FBN1: variants seen among roughly 807,000 people sequenced by gnomAD.
FBN1 encodes the protein fibrillin 1, also known as fibrillin-1.
FBN1 carries 29 observed loss-of-function variants against 365.1 expected under a neutral mutation model. The ratio of observed to expected loss-of-function variants is 0.08; its 90% CI spans 0.06 to 0.11. The LOEUF is 0.11. Ranked by LOEUF, FBN1 falls within the 10% of genes least tolerant of loss-of-function variation. The pLI is 1.00. For missense variants in FBN1, 2,476 were observed against 3,703.2 expected (o/e 0.67, Z 8.60); for synonymous variants, 1,210 against 1,270.5 (o/e 0.95, Z 1.01).
At position 48,644,727 on chromosome 15, in the gene FBN1, C is replaced by G; in HGVS notation, c.43G>C (p.Val15Leu). 6.2e-7 allele frequency: 1 copy of G among 1,613,936 alleles called. No homozygotes were observed. The highest frequency in any genetic ancestry group is 8.5e-7 in the Non-Finnish European group (1 of 1,180,016). ...RLLEIALGFT[V>L]LLASYTSHGA... The stretch of plus-strand genomic sequence containing the variant: ...TGGCTCGTGTAGGACGCTAAAAGCA[C>G]GGTAAATCCCAGGGCGATCTCCAGC... Residue 15 changes from valine (V) to leucine (L), a missense_variant, in exon 2 of 66, where the codon GTG becomes CTG. By Grantham distance (32) the Val-to-Leu change is conservative (BLOSUM62 1). Around this residue, in one of 5 missense-constraint regions of FBN1, gnomAD observed 76 missense variants for 85.4 expected, o/e 0.89. Coordinates refer to ENST00000316623, the MANE Select transcript of FBN1 (RefSeq NM_000138.5).
chr15:48,528,970 C>T (rs1319796584), intron 8 of FBN1: 1 of 152,200 alleles, frequency 6.6e-6, no homozygotes, highest in Non-Finnish European at 1.5e-5. Context: ...GATTGACTCA[C>T]ACTCTGAAAC....
chr15:48,559,908 T>C (rs1250320908), intron 6 of FBN1, among the ~76,000 whole-genome samples: 1 of 152,196 alleles, frequency 6.6e-6, no homozygotes, highest in Non-Finnish European at 1.5e-5. Context: ...ATCTATTATC[T>C]GCAAGAGTTA....
chr15:48,437,127 G>A (rs757289523), intron 52 of FBN1, 50 bp from the exon 53 acceptor site: 3 of 1,322,376 alleles, frequency 2.3e-6, no homozygotes, highest in Admixed American at 3.4e-5. Context: ...TTTTAAACGT[G>A]AAGATAAATT....
intron 2 of FBN1, among the ~76,000 whole-genome samples, chr15:48,634,318 C>A (rs904813386): frequency 6.6e-6 from 1 of 152,210 alleles, no homozygotes; most frequent in African/African-American, 2.4e-5. Context: ...TCATACGAAT[C>A]TTTTCTGGCA....
chr15:48,542,781 ATGTGTGTGTGTGTGTGTGTG>A (rs58728910), intron 6 of FBN1, among the ~76,000 whole-genome samples: 36 of 130,648 alleles, frequency 2.8e-4, no homozygotes, highest in Non-Finnish European at 4.0e-4. Flanking sequence ...GGACTCTAAG[ATGTGTGTGTGTGTGTGTGTG>A]TGTGTGTGTG....
In FBN1 at chr15:48,411,068, T is replaced by G. The variant is rs778948309; in HGVS notation, c.8538A>C (p.Glu2846Asp). The G allele has an allele frequency of 2.5e-6, 4 of 1,613,846 alleles. No homozygotes were observed. Among genetic ancestry groups the G allele is most frequent in the Non-Finnish European group, 3.4e-6 (4 of 1,179,934 alleles). Residue 2846 changes from glutamate (E) to aspartate (D), a missense_variant, in exon 66 of 66, where the codon GAA becomes GAC. Glu to Asp is a conservative substitution (Grantham distance 45). Transcript: ENST00000316623. ...TGAGGTAGTCTTTGTCATATTTGTC[T>G]TCTAGTTGGTTAAGTTCTTTCTTTT... ...LYKKKELNQL[E>D]DKYDKDYLSG...
At chr15:48,477,277 T>C (rs1468538433) in intron 32 of FBN1, among the ~76,000 whole-genome samples, 2 of 152,202 alleles carry the variant, frequency 1.3e-5, no homozygotes, top group Non-Finnish European at 2.9e-5. Flanking sequence ...CTTTAGAAAG[T>C]GTTTTCAGTT....
At position 48,496,203 on chromosome 15, in the gene FBN1, G is replaced by A. The variant is rs756381478; in HGVS notation, c.2316C>T (p.Asn772=). The A allele has an allele frequency of 2.5e-6, 4 of 1,613,614 alleles. No homozygotes were observed. The highest frequency in any genetic ancestry group is 2.2e-5 in the East Asian group (1 of 44,812). Residue 772 remains asparagine, a synonymous_variant, in exon 20 of 66, where the codon AAC becomes AAT. Coordinates refer to ENST00000316623, the MANE Select transcript of FBN1 (RefSeq NM_000138.5). Reference sequence around the variant, plus strand: ...ATTGTCCATTGTCACAAAGGAGACTGTTCAGTACACATTCATTAATATCTG... The same window carrying A: ...ATTGTCCATTGTCACAAAGGAGACTATTCAGTACACATTCATTAATATCTG... ...NCVDINECVL[N]SLLCDNGQCR...
intron 6 of FBN1, among the ~76,000 whole-genome samples, chr15:48,583,098 A>G (rs2044408119): frequency 6.6e-6 from 1 of 152,168 alleles, no homozygotes; most frequent in Admixed American, 6.5e-5. Context: ...CACTGCTTCC[A>G]TCTCTCCACA....
intron 6 of FBN1, among the ~76,000 whole-genome samples, chr15:48,571,327 T>A (rs2044304076): frequency 6.6e-6 from 1 of 151,880 alleles, no homozygotes; most frequent in Non-Finnish European, 1.5e-5. Context: ...CTACAACAAA[T>A]CCAAATTAGA....
intron 56 of FBN1, among the ~76,000 whole-genome samples, chr15:48,429,549 G>C (rs2043009636): frequency 1.3e-5 from 2 of 152,154 alleles, no homozygotes; most frequent in Admixed American, 6.5e-5. Context: ...GTTGGAAGGT[G>C]AATCCAGAAC....
In FBN1 at chr15:48,485,504, A is replaced by G. The variant is rs140600; in HGVS notation, c.3590-8T>C. 347 of 1,613,996 alleles carry G rather than the reference A, an allele frequency of 2.1e-4. 1 individual carries two copies. Among genetic ancestry groups the G allele is most frequent in the Non-Finnish European group, 2.7e-4 (320 of 1,179,988 alleles). ...TGCTGCATTCATCAATGTCTAAAAG[A>G]AATGAAAATAATATCACCTTCTGAT... is the stretch of plus-strand genomic sequence containing the variant. On this transcript the variant is annotated splice_polypyrimidine_tract_variant and splice_region_variant and intron_variant, in intron 29 of 65. Transcript: ENST00000316623.
rs1301122201 is a variant in FBN1 at position 48,610,740 on chromosome 15, C to G, written c.334G>C (p.Gly112Arg). 1 of 1,613,026 alleles carries G rather than the reference C, an allele frequency of 6.2e-7. No homozygotes were observed. The highest frequency in any genetic ancestry group is 1.1e-5 in the South Asian group (1 of 91,058). Reference sequence around the variant, plus strand: ...ATGTTAGACTTACTGGATCTGGAGCCACAGGAAGGAGCTATCTGACCAGAT... The same window carrying G: ...ATGTTAGACTTACTGGATCTGGAGCGACAGGAAGGAGCTATCTGACCAGAT... ...CPSGQIAPSCGSRSIQHCNIR... is the reference protein window; with the variant it reads ...CPSGQIAPSCRSRSIQHCNIR... The change falls in exon 4 of 66, where the codon GGC becomes CGC. Residue 112 changes from glycine (G) to arginine (R), a missense_variant. Gly to Arg is a moderately radical substitution (Grantham distance 125, BLOSUM62 -2). Coordinates refer to ENST00000316623, the MANE Select transcript of FBN1 (RefSeq NM_000138.5).
At chr15:48,430,477 G>T (rs1482309294) in intron 56 of FBN1, among the ~76,000 whole-genome samples, 194 bp downstream of exon 56, 4 of 152,172 alleles carry the variant, frequency 2.6e-5, no homozygotes, top group African/African-American at 4.8e-5. Context: ...CAGATCAGAG[G>T]GACAATGACA....
chr15:48,461,594 A>C (rs1462309858), intron 42 of FBN1, among the ~76,000 whole-genome samples: 1 of 152,220 alleles, frequency 6.6e-6, no homozygotes, highest in African/African-American at 2.4e-5. Context: ...TTTACATATA[A>C]ATGCACACCA....
rs1269337604 is a variant in FBN1, at chr15:48,486,998, AATAAAATAAC to A, written c.3589+67_3589+76del. 1.7e-5 allele frequency: 20 copies of A among 1,157,344 alleles called. No individual in the cohort carries two copies. In the East Asian group the frequency reaches 2.6e-4, roughly 15 times the overall value. 71.7% of individuals were successfully genotyped at this position (1,157,344 alleles called of 1,614,324 possible). On this transcript the variant is annotated intron_variant, in intron 29 of 65. Transcript: ENST00000316623. ...TTTAGGGAGAGATGAAATAAAATAA[AATAAAATAAC>A]ATAACATAACATAACATAAAATAAA...
Position 48,411,322 on chromosome 15 carries a change from C to T in FBN1, c.8284G>A (p.Ala2762Thr), listed in dbSNP as rs2141210059. The T allele has an allele frequency of 1.2e-6, 2 of 1,614,076 alleles. No individual in the cohort carries two copies. The highest frequency in any genetic ancestry group is 1.6e-4 in the Middle Eastern group (1 of 6,062). The change falls in exon 66 of 66, where the codon GCC becomes ACC. Residue 2762 changes from alanine (A) to threonine (T), a missense_variant. Physicochemically the swap from Ala to Thr is moderately conservative, Grantham distance 58. Transcript: ENST00000316623. Reference sequence around the variant, plus strand: ...TGGGAAATATTGAAAGCAAAGATGGCTGTCTTCTCAACATCCCAACTTGCA... The same window carrying T: ...TGGGAAATATTGAAAGCAAAGATGGTTGTCTTCTCAACATCCCAACTTGCA... ...SLASWDVEKTAIFAFNISHVS... is the reference protein window; with the variant it reads ...SLASWDVEKTTIFAFNISHVS...
chr15:48,494,793 A>C (rs976916666), intron 22 of FBN1, among the ~76,000 whole-genome samples: 8 of 152,208 alleles, frequency 5.3e-5, no homozygotes, highest in Non-Finnish European at 8.8e-5. Flanking sequence ...CGGTTTCTTT[A>C]CATCAATTAG....
Position 48,463,715 on chromosome 15 carries a change from A to C in FBN1, c.5065+184T>G, listed in dbSNP as rs143163872. ...TTTTAGAGAAAACTCCCAACCACCCACCCGTGGTGGTGAAAAAATGCCAAG... is the reference window on the plus strand; with the variant it reads ...TTTTAGAGAAAACTCCCAACCACCCCCCCGTGGTGGTGAAAAAATGCCAAG... On this transcript the variant is annotated intron_variant, in intron 41 of 65. Transcript: ENST00000316623. Among the ~76,000 whole-genome samples, 399 of 152,348 alleles carry C rather than the reference A, an allele frequency of 2.6e-3. 4 individuals carry two copies. In the East Asian group the frequency reaches 0.034, roughly 13 times the overall value.
Sources: allele counts gnomAD v4.1 joint callset (sites outside exome capture counted in the v4.1 genomes callset), GRCh38; gene constraint gnomAD v4.1.1; regional missense constraint gnomAD v4.1.1; transcripts MANE v1.5; gene names NCBI Gene and HGNC (gene_info 2026-07-23, HGNC 2026-07-21).